RGS3: variants seen among roughly 807,000 people sequenced by gnomAD.
RGS3 encodes the protein regulator of G protein signaling 3.
In RGS3, 80 loss-of-function variants were observed where a neutral mutation model predicts 132.6. The ratio of observed to expected loss-of-function variants is 0.60; its 90% confidence interval spans 0.50 to 0.73. The LOEUF is 0.73. RGS3 is among the 30% of genes least tolerant of loss of function. The pLI is 0.00. For missense variants in RGS3, 1,382 were observed against 1,530.8 expected, an observed-to-expected ratio of 0.90 and a Z score of 1.62; for synonymous variants, 598 against 620.6, an observed-to-expected ratio of 0.96 and a Z score of 0.54.
Position 113,463,707 on chromosome 9 carries a change from G to A in RGS3, c.415+1506G>A, listed in dbSNP as rs972333430. The A allele has an allele frequency of 2.8e-6, 4 of 1,430,436 alleles. No individual in the cohort carries two copies. The African/African-American group carries it at 4.4e-5, about 16-fold the overall frequency. 88.6% of individuals were successfully genotyped at this position (1,430,436 alleles called of 1,614,324 possible). On this transcript the variant is annotated intron_variant, in intron 3 of 24. Transcript: ENST00000350696. The surrounding 1 kb of genome is among the most constrained non-coding windows in gnomAD (Gnocchi z 4.6). The stretch of plus-strand genomic sequence containing the variant: ...AACGCTTGGGGCAGCCCTACCTCCC[G>A]CTCGCGCTCCTCCCGCCCTGGAGAC...
At chr9:113,446,181 A>G (rs1027816481) in intron 1 of RGS3, among the ~76,000 whole-genome samples, 9 of 152,238 alleles carry the variant, frequency 5.9e-5, no homozygotes, top group African/African-American at 2.2e-4. Context: ...GTCCAGAGGA[A>G]TCTGGGAAGG....
chr9:113,478,186 G>T (rs1156790205), intron 3 of RGS3, among the ~76,000 whole-genome samples: 1 of 152,052 alleles, frequency 6.6e-6, no homozygotes, highest in Non-Finnish European at 1.5e-5. Flanking sequence ...CCGTCCTTCT[G>T]TTCTCTTTAC....
rs1247189695 is a variant in RGS3 at position 113,537,453 on chromosome 9, G to A, written c.2037+535G>A. 2.6e-5 allele frequency among the ~76,000 whole-genome samples: 4 copies of A among 152,186 alleles called. No individual in the cohort carries two copies. The highest frequency in any genetic ancestry group is 4.4e-5 in the Non-Finnish European group (3 of 68,020). Reference sequence around the variant, plus strand: ...CCGGGGAAGATTAGAGACTCCCAGGGGAGGCTGTTCTGGGCTGGGCACTGC... The same window carrying A: ...CCGGGGAAGATTAGAGACTCCCAGGAGAGGCTGTTCTGGGCTGGGCACTGC... On this transcript the variant is annotated intron_variant, in intron 19 of 24. Coordinates refer to ENST00000350696, the Ensembl canonical transcript of RGS3. The surrounding 1 kb of genome is among the most constrained non-coding windows in gnomAD (Gnocchi z 4.3).
At chr9:113,585,494 G>A (rs993079438) in intron 20 of RGS3, among the ~76,000 whole-genome samples, 1 of 152,220 alleles carries the variant, frequency 6.6e-6, no homozygotes, top group South Asian at 2.1e-4. Context: ...GAGTAGGGGT[G>A]CTCAGTGCCC....
intron 4 of RGS3, among the ~76,000 whole-genome samples, chr9:113,482,725 C>T (rs1405726109): frequency 6.6e-6 from 1 of 152,196 alleles, no homozygotes; most frequent in Non-Finnish European, 1.5e-5. Flanking sequence ...CTCATTTTCC[C>T]CATTACATGA....
At chr9:113,577,037 G>A (rs1834561583) in intron 19 of RGS3, among the ~76,000 whole-genome samples, 1 of 152,196 alleles carries the variant, frequency 6.6e-6, no homozygotes, top group Non-Finnish European at 1.5e-5. Context: ...AGGCTGGAGT[G>A]CAGTGGTGCA....
At chr9:113,509,270 G>A (rs931264021) in intron 14 of RGS3, among the ~76,000 whole-genome samples, 4 of 151,502 alleles carry the variant, frequency 2.6e-5, no homozygotes, top group African/African-American at 4.9e-5. Context: ...GGGTGACAGA[G>A]CGAGACTCTG....
chr9:113,469,942 T>TA (rs1334870826), intron 3 of RGS3, among the ~76,000 whole-genome samples: 1 of 151,750 alleles, frequency 6.6e-6, no homozygotes, highest in Non-Finnish European at 1.5e-5. Flanking sequence ...GACTGAGTCT[T>TA]ACTCTGTCAC....
intron 19 of RGS3, among the ~76,000 whole-genome samples, chr9:113,574,054 G>C (rs757890016): frequency 1.3e-5 from 2 of 152,184 alleles, no homozygotes; most frequent in Non-Finnish European, 2.9e-5. Flanking sequence ...TCATAGGATT[G>C]TTGGAAGTAG....
intron 4 of RGS3, among the ~76,000 whole-genome samples, chr9:113,481,314 A>G (rs1284565811): frequency 6.6e-6 from 1 of 152,210 alleles, no homozygotes; most frequent in African/African-American, 2.4e-5. Flanking sequence ...CAATGAGGAC[A>G]GGGACTGGGT....
chr9:113,467,656 AT>A (rs1355079996), intron 3 of RGS3, among the ~76,000 whole-genome samples: 2 of 151,900 alleles, frequency 1.3e-5, no homozygotes, highest in Non-Finnish European at 2.9e-5. Flanking sequence ...ATTTGCAAAT[AT>A]TTTCTCTCTA....
At chr9:113,547,809 C>A (rs780203698) in intron 19 of RGS3, among the ~76,000 whole-genome samples, 1 of 152,172 alleles carries the variant, frequency 6.6e-6, no homozygotes, top group Non-Finnish European at 1.5e-5. Context: ...TACCTACCCA[C>A]TTTTGCTGGG....
At chr9:113,474,260 T>C (rs1156579490) in intron 3 of RGS3, among the ~76,000 whole-genome samples, 1 of 152,182 alleles carries the variant, frequency 6.6e-6, no homozygotes, top group African/African-American at 2.4e-5. Context: ...ACAATTTTTA[T>C]GCCAGTGCTG....
chr9:113,503,709 G>A (rs1447069484), intron 10 of RGS3, among the ~76,000 whole-genome samples: 1 of 152,202 alleles, frequency 6.6e-6, no homozygotes, highest in African/African-American at 2.4e-5. Flanking sequence ...GTAGGGGTGG[G>A]GAAGTGCTGG....
chr9:113,460,245 G>T, upstream of RGS3: 2 of 1,177,514 alleles, frequency 1.7e-6, no homozygotes, highest in Non-Finnish European at 2.2e-6. Flanking sequence ...TCCTGGCCAG[G>T]CGCAGTGGCT....
At chr9:113,479,571 G>C (rs1374226880) in intron 4 of RGS3, 30 bp downstream of exon 2, 2 of 1,612,178 alleles carry the variant, frequency 1.2e-6, no homozygotes, top group Admixed American at 1.7e-5. Context: ...GGCTCACCAA[G>C]GAAGGGGCGG....
chr9:113,515,596 A>G (rs1831617687), intron 15 of RGS3, among the ~76,000 whole-genome samples: 4 of 151,984 alleles, frequency 2.6e-5, no homozygotes, highest in African/African-American at 9.7e-5. Flanking sequence ...ACACCACTGC[A>G]CTCCAGCCTG....
chr9:113,545,452 A>C (rs1833067646), intron 19 of RGS3, among the ~76,000 whole-genome samples: 1 of 152,170 alleles, frequency 6.6e-6, no homozygotes, highest in Admixed American at 6.5e-5. Flanking sequence ...CTTCTCCCTA[A>C]AAACTGTTTC....
At chr9:113,582,640 T>C (rs1291744182) in intron 19 of RGS3, 1 of 152,230 alleles carries the variant, frequency 6.6e-6, no homozygotes, top group African/African-American at 2.4e-5. Context: ...TATTCAGACT[T>C]TCATTAAGAG....
Sources: allele counts gnomAD v4.1 joint callset (sites outside exome capture counted in the v4.1 genomes callset), GRCh38; gene constraint gnomAD v4.1.1; non-coding constraint Gnocchi (gnomAD v3.1); transcripts MANE v1.5; gene names NCBI Gene and HGNC (gene_info 2026-07-23, HGNC 2026-07-21).